TSHZ3: variants seen among roughly 807,000 people sequenced by gnomAD.
TSHZ3 encodes teashirt zinc finger homeobox 3, also known as teashirt homolog 3.
Under a neutral mutation model 64.5 loss-of-function variants are expected in TSHZ3, and 10 were observed. The ratio of observed to expected loss-of-function variants is 0.16; its 90% confidence interval spans 0.10 to 0.26. The LOEUF is 0.26. Ranked by LOEUF, TSHZ3 falls within the 10% of genes least tolerant of loss-of-function variation. The probability of loss-of-function intolerance (pLI) is 1.00; values close to 1 mark genes in which losing one functional copy is unlikely to be tolerated. For missense variants in TSHZ3, 1,242 were observed against 1,421.7 expected, an observed-to-expected ratio of 0.87 and a Z score of 2.03; for synonymous variants, 608 against 593.1, an observed-to-expected ratio of 1.03 and a Z score of -0.36.
rs531777687 is a variant in TSHZ3 at position 31,262,290 on chromosome 19, C to T, written n.64-19415G>A. Among the ~76,000 whole-genome samples, 14 of 152,304 alleles carry T rather than the reference C, an allele frequency of 9.2e-5. No homozygotes were observed. In the South Asian group the frequency reaches 2.3e-3, roughly 25 times the overall value. ...TCAGTGCTGAGGGAAGACAATGGCT[C>T]GGACTAATGGACAAAATTGTTGTAT... On this transcript the variant is annotated intron_variant and non_coding_transcript_variant, in intron 1 of 6. Coordinates refer to the TSHZ3 transcript ENST00000651361.
chr19:31,177,361 T>C (rs1250196160), intron 5 of TSHZ3, among the ~76,000 whole-genome samples: 1 of 152,162 alleles, frequency 6.6e-6, no homozygotes, highest in East Asian at 1.9e-4. Context: ...AGCCGGGTGG[T>C]GTCAGCATGG....
upstream of TSHZ3, chr19:31,349,469 A>G (rs2021635406): frequency 2.8e-6 from 1 of 363,334 alleles, no homozygotes; most frequent in East Asian, 4.4e-5. Context: ...GGGAGGGAGG[A>G]GCACGGGGGG....
chr19:31,241,701 C>A (rs1157022818), intron 3 of TSHZ3, among the ~76,000 whole-genome samples: 1 of 152,194 alleles, frequency 6.6e-6, no homozygotes, highest in Admixed American at 6.5e-5. Context: ...CCATCCTCTG[C>A]CCAGATATCA....
In TSHZ3 at chr19:31,192,310, T is replaced by C. The variant is rs140968172; in HGVS notation, n.809+12646A>G. On this transcript the variant is annotated intron_variant and non_coding_transcript_variant, in intron 5 of 6. Coordinates refer to the TSHZ3 transcript ENST00000651361. ...TGGCCTTTTGGGGGTTTCAACCACA[T>C]GCCTGTGATGTTTATTAAGAACCAA... is the stretch of plus-strand genomic sequence containing the variant. 2.3e-3 allele frequency among the ~76,000 whole-genome samples: 354 copies of C among 152,328 alleles called. 1 individual carries two copies. Among genetic ancestry groups the C allele is most frequent in the African/African-American group, 8.1e-3 (337 of 41,578 alleles).
downstream of TSHZ3, among the ~76,000 whole-genome samples, chr19:31,273,725 C>G (rs1436925464): frequency 6.6e-6 from 1 of 152,166 alleles, no homozygotes; most frequent in Admixed American, 6.6e-5. Flanking sequence ...GGAGCTGGTC[C>G]TGGAGGGAAA....
At chr19:31,174,096 A>G (rs2867546) in intron 5 of TSHZ3, among the ~76,000 whole-genome samples, 147,037 of 152,302 alleles carry the variant, frequency 0.97, 71,025 homozygotes, top group East Asian at 1. Flanking sequence ...ACAAAAAAAA[A>G]AATTGGCTCA....
chr19:31,255,151 T>G (rs779450584), intron 1 of TSHZ3, among the ~76,000 whole-genome samples: 2 of 152,230 alleles, frequency 1.3e-5, no homozygotes, highest in Non-Finnish European at 2.9e-5. Flanking sequence ...AGGTTTCCAC[T>G]GTTGATCATC....
chr19:31,345,214 C>T (rs898157551), intron 1 of TSHZ3, among the ~76,000 whole-genome samples: 8 of 152,332 alleles, frequency 5.3e-5, no homozygotes, highest in Non-Finnish European at 7.3e-5. Flanking sequence ...AATCATAGAA[C>T]GGTCAAAACC....
intron 5 of TSHZ3, among the ~76,000 whole-genome samples, chr19:31,192,340 T>C (rs1023268035): frequency 6.6e-6 from 1 of 152,204 alleles, no homozygotes; most frequent in African/African-American, 2.4e-5. Flanking sequence ...AACCAATTAC[T>C]CTTGGGCAGA....
At chr19:31,280,718 G>T (rs903045429) in intron 1 of TSHZ3, among the ~76,000 whole-genome samples, 1 of 152,224 alleles carries the variant, frequency 6.6e-6, no homozygotes. Flanking sequence ...TTCTGGAAGC[G>T]ATGTAACTGG....
chr19:31,265,269 T>G (rs577657248), intron 1 of TSHZ3, among the ~76,000 whole-genome samples: 1 of 151,634 alleles, frequency 6.6e-6, no homozygotes, highest in East Asian at 1.9e-4. Context: ...TGGTGGTCCA[T>G]GCCTGTAATC....
At chr19:31,309,745 C>G (rs535690623) in intron 1 of TSHZ3, among the ~76,000 whole-genome samples, 2 of 152,314 alleles carry the variant, frequency 1.3e-5, no homozygotes, top group African/African-American at 4.8e-5. Context: ...ATATTATTCC[C>G]TGAAGACTCA....
At chr19:31,185,078 TA>T (rs1163645503) in intron 5 of TSHZ3, among the ~76,000 whole-genome samples, 1 of 141,682 alleles carries the variant, frequency 7.1e-6, no homozygotes, top group Non-Finnish European at 1.5e-5. Context: ...AATTTTATGT[TA>T]AAAAAACAAA....
At chr19:31,328,998 C>G (rs933006662) in intron 1 of TSHZ3, among the ~76,000 whole-genome samples, 1 of 152,112 alleles carries the variant, frequency 6.6e-6, no homozygotes, top group Non-Finnish European at 1.5e-5. Flanking sequence ...GTACAGGGGC[C>G]GTGTGAGCTC....
chr19:31,273,754 C>G (rs1266488656), downstream of TSHZ3, among the ~76,000 whole-genome samples: 3 of 152,156 alleles, frequency 2.0e-5, no homozygotes, highest in East Asian at 5.8e-4. Flanking sequence ...TCCTTTAGCT[C>G]CTCCCAGGTA....
chr19:31,345,181 C>T (rs1199327050), intron 1 of TSHZ3, among the ~76,000 whole-genome samples: 2 of 152,070 alleles, frequency 1.3e-5, no homozygotes, highest in East Asian at 1.9e-4. Flanking sequence ...GCTCTCATTT[C>T]GTAGGAAATG....
At chr19:31,348,919 T>C in intron 1 of TSHZ3, 1 of 448,766 alleles carries the variant, frequency 2.2e-6, no homozygotes, top group Non-Finnish European at 3.9e-6. Context: ...GCTGAGGAGG[T>C]AGGGACCTGG....
chr19:31,153,090 G>T (rs1974261355), intron 6 of TSHZ3, among the ~76,000 whole-genome samples: 1 of 152,140 alleles, frequency 6.6e-6, no homozygotes, highest in Non-Finnish European at 1.5e-5. Flanking sequence ...ATGGTTTCAT[G>T]GATCAGGAAC....
chr19:31,226,977 C>CTTTTTTTTTTTTTTTTTTTTTTTTTTCT (rs3030229), intron 4 of TSHZ3, among the ~76,000 whole-genome samples: 1 of 65,684 alleles, frequency 1.5e-5, no homozygotes, highest in Non-Finnish European at 2.4e-5. Context: ...TTCTTTCTTT[C>CTTTTTTTTTTTTTTTTTTTTTTTTTTCT]TTTTTTTTTT....
Sources: gnomAD v4.1 joint callset for allele counts (sites outside exome capture counted in the v4.1 genomes callset) on GRCh38, gnomAD v4.1.1 for gene constraint, MANE v1.5 for transcripts, NCBI Gene and HGNC (gene_info 2026-07-23, HGNC 2026-07-21) for gene names.